FCHSD2: variants seen among roughly 807,000 people sequenced by gnomAD.
FCHSD2 encodes the protein FCH and double SH3 domains 2.
In FCHSD2, 38 loss-of-function variants were observed where a neutral mutation model predicts 108.1. That is an observed-to-expected ratio of 0.35 (90% CI 0.27 to 0.46). The LOEUF (loss-of-function observed/expected upper bound fraction) is 0.46. Ranked by LOEUF, FCHSD2 falls within the 20% of genes least tolerant of loss-of-function variation. FCHSD2 has a pLI of 1.00. For missense variants in FCHSD2, 751 were observed against 897.8 expected (o/e 0.84, Z 2.09); for synonymous variants, 279 against 314.7 (o/e 0.89, Z 1.20).
intron 2 of FCHSD2, among the ~76,000 whole-genome samples, chr11:73,129,936 G>A (rs1683484438): frequency 2.1e-5 from 3 of 140,336 alleles, no homozygotes; most frequent in Non-Finnish European, 3.0e-5. Flanking sequence ...GTGCAGTGGT[G>A]TGATCTCAGC....
intron 8 of FCHSD2, chr11:72,940,706 G>A: frequency 9.9e-7 from 1 of 1,006,890 alleles, no homozygotes; most frequent in Non-Finnish European, 1.6e-6. Flanking sequence ...CACCGTGGTG[G>A]CAGAAAACGC....
Position 72,838,721 on chromosome 11 carries a change from TAA to T in FCHSD2, c.*68_*69del. On this transcript the variant is annotated 3_prime_UTR_variant, in exon 20 of 20. Transcript: ENST00000409418. Reference sequence around the variant, plus strand: ...AGAGTCATCATCATGCAAAGGTGCCTAAAAAACAAGACTGGCCAAACTCCAAG... The same window carrying T: ...AGAGTCATCATCATGCAAAGGTGCCTAAAACAAGACTGGCCAAACTCCAAG... The T allele has an allele frequency of 1.5e-6, 2 of 1,364,316 alleles. No homozygotes were observed. The highest frequency in any genetic ancestry group is 2.0e-6 in the Non-Finnish European group (2 of 977,818). 84.5% of individuals were successfully genotyped at this position (1,364,316 alleles called of 1,614,324 possible). A position where few individuals can be genotyped will look rare whatever the true frequency, so the allele number is the denominator to read the frequency against.
chr11:72,928,453 A>C (rs572846375), intron 8 of FCHSD2, among the ~76,000 whole-genome samples: 5 of 152,162 alleles, frequency 3.3e-5, no homozygotes, highest in Non-Finnish European at 5.9e-5. Context: ...CATGTTCCCA[A>C]ATAAGTTATT....
Sources: allele counts gnomAD v4.1 joint callset (sites outside exome capture counted in the v4.1 genomes callset), GRCh38; gene constraint gnomAD v4.1.1; transcripts MANE v1.5; gene names NCBI Gene and HGNC (gene_info 2026-07-23, HGNC 2026-07-21).